Variants in TEX15 observed in about 807,000 individuals in gnomAD.
The protein encoded by TEX15 is testis-expressed protein 15.
TEX15 carries 171 observed loss-of-function variants against 237.3 expected under a neutral mutation model. The observed-to-expected ratio is 0.72, with a 90% CI of 0.64 to 0.82. The LOEUF (loss-of-function observed/expected upper bound fraction) is 0.82, where lower values mean the gene tolerates loss of function less well. TEX15 is among the 40% of genes least tolerant of loss of function. The pLI is 0.00. For synonymous variants in TEX15, 1,338 were observed against 1,269.8 expected (o/e 1.05, Z -1.14); for missense variants, 3,750 against 3,646.5 (o/e 1.03, Z -0.73).
Position 30,843,884 on chromosome 8 carries a change from C to T in TEX15, c.6283G>A (p.Gly2095Ser), listed in dbSNP as rs1322481856. ...FIENKKRHLE[G>S]EPTLRSLLWY... ...AGCAAGCTTCGCAATGTTGGTTCAC[C>T]TTCTAAGTGCCTTTTTTTGTTTTCA... The change falls in exon 8 of 11, where the codon GGT becomes AGT. Residue 2095 changes from glycine to serine, a missense_variant. Gly to Ser is a moderately conservative substitution (Grantham distance 56, BLOSUM62 0). Coordinates refer to ENST00000643185, the MANE Select transcript of TEX15 (RefSeq NM_001350162.2). 6.2e-7 allele frequency: 1 copy of T among 1,612,718 alleles called. No homozygotes were observed.
intron 3 of TEX15, among the ~76,000 whole-genome samples, chr8:30,881,022 C>T (rs1808508164): frequency 6.6e-6 from 1 of 152,108 alleles, no homozygotes. Context: ...TGAATACCTG[C>T]TAATTCCTCT....
At chr8:30,851,118 T>C (rs898380537) in intron 7 of TEX15, among the ~76,000 whole-genome samples, 3 of 151,892 alleles carry the variant, frequency 2.0e-5, no homozygotes, top group African/African-American at 7.3e-5. Flanking sequence ...TTCTTACTCA[T>C]TTACTACTCT....
In TEX15 at chr8:30,843,620, A is replaced by T; in HGVS notation, c.6547T>A (p.Cys2183Ser). Reference protein sequence around the residue: ...VNECEAIMEHCSDCFDFSLSV... With the variant: ...VNECEAIMEHSSDCFDFSLSV... The stretch of plus-strand genomic sequence containing the variant: ...AGAGAAAAATCAAAGCAATCGGAAC[A>T]ATGCTCCATTATGGCTTCACATTCA... Residue 2183 changes from cysteine to serine, a missense_variant, in exon 8 of 11, where the codon TGT becomes AGT. Transcript: ENST00000643185. 6.2e-7 allele frequency: 1 copy of T among 1,613,010 alleles called. No individual in the cohort carries two copies.
chr8:30,851,596 C>T (rs1365739803), intron 7 of TEX15, among the ~76,000 whole-genome samples: 2 of 151,772 alleles, frequency 1.3e-5, no homozygotes, highest in African/African-American at 2.4e-5. Flanking sequence ...CACACCACTA[C>T]ACTCCAGCCT....
intron 1 of TEX15, among the ~76,000 whole-genome samples, chr8:30,911,688 C>T (rs1040649939): frequency 2.0e-5 from 3 of 152,130 alleles, no homozygotes; most frequent in African/African-American, 7.2e-5. Context: ...TCAAAGTCTC[C>T]GAGTTGCCAG....
chr8:30,859,914 T>C lies in TEX15; in HGVS notation c.684A>G (p.Ser228=), dbSNP rs1200765910. ...ATCAAATGAACCATTAACATACTGCTGAACTGTAGGCTTGCAGTTCAATGG... is the reference window on the plus strand; with the variant it reads ...ATCAAATGAACCATTAACATACTGCCGAACTGTAGGCTTGCAGTTCAATGG... ...KDTIELQAYS[S]AVYFYEYSVL... is the part of the protein sequence containing the mutation. The change falls in exon 6 of 11, where the codon TCA becomes TCG. Residue 228 remains serine, a synonymous_variant. Coordinates refer to ENST00000643185, the MANE Select transcript of TEX15 (RefSeq NM_001350162.2). 1.4e-6 allele frequency: 2 copies of C among 1,479,958 alleles called. No homozygotes were observed. The highest frequency in any genetic ancestry group is 2.5e-5 in the East Asian group (1 of 39,594). 91.7% of individuals were successfully genotyped at this position (1,479,958 alleles called of 1,614,324 possible).
At position 30,847,161 on chromosome 8, in the gene TEX15, G is replaced by A; in HGVS notation, c.3006C>T (p.His1002=). The change falls in exon 8 of 11, where the codon CAC becomes CAT. Residue 1002 remains histidine, a synonymous_variant. Coordinates refer to ENST00000643185, the MANE Select transcript of TEX15 (RefSeq NM_001350162.2). ...MPALSLNNDD[H]QIYQFKETCS... is the part of the protein sequence containing the mutation. ...AAGTTTCTTTAAACTGGTATATCTG[G>A]TGATCGTCATTATTTAGGCTTAATG... The A allele has an allele frequency of 6.2e-7, 1 of 1,613,824 alleles. No homozygotes were observed. The highest frequency in any genetic ancestry group is 1.7e-4 in the Middle Eastern group (1 of 6,060).
chr8:30,854,275 AAGG>A lies in TEX15; in HGVS notation c.850+4390_850+4392del, dbSNP rs1469819820. Among the ~76,000 whole-genome samples, 10 of 151,466 alleles carry A rather than the reference AAGG, an allele frequency of 6.6e-5. No homozygotes were observed. In the East Asian group the frequency reaches 7.7e-4, roughly 12 times the overall value. On this transcript the variant is annotated intron_variant, in intron 7 of 10. Transcript: ENST00000643185. ...CTGACTGACCAAAAAAAAAAAAAAA[AAGG>A]AGAAGACTCAAACTAGTAGACTCAG...
intron 2 of TEX15, among the ~76,000 whole-genome samples, chr8:30,894,731 ATAAGAGT>A (rs1808860954): frequency 6.6e-6 from 1 of 152,242 alleles, no homozygotes; most frequent in South Asian, 2.1e-4. Flanking sequence ...AAGATTAAAG[ATAAGAGT>A]TAAAACTATC....
In TEX15 at chr8:30,848,091, T is replaced by G; in HGVS notation, c.2076A>C (p.Lys692Asn). ...TATCCTTTATGGTAGATGTAGAAGA[T>G]TTTGTTATTTCTAACTCTTGAGTAA... is the stretch of plus-strand genomic sequence containing the variant. The part of the protein sequence containing the change: ...ILITQELEIT[K>N]SSTSTIKDKD... Residue 692 changes from lysine to asparagine, a missense_variant, in exon 8 of 11, where the codon AAA (lysine) becomes AAC (asparagine). By Grantham distance (94) the Lys-to-Asn change is moderately conservative (BLOSUM62 0). Coordinates refer to ENST00000643185, the MANE Select transcript of TEX15 (RefSeq NM_001350162.2). The G allele has an allele frequency of 6.2e-7, 1 of 1,610,870 alleles. No homozygotes were observed. The highest frequency in any genetic ancestry group is 8.5e-7 in the Non-Finnish European group (1 of 1,178,374).
Position 30,846,561 on chromosome 8 carries a change from T to C in TEX15, c.3606A>G (p.Gly1202=). The change falls in exon 8 of 11, where the codon GGA becomes GGG. Residue 1202 remains glycine, a synonymous_variant. Coordinates refer to ENST00000643185, the MANE Select transcript of TEX15 (RefSeq NM_001350162.2). ...EINKEDGEIL[G]FDIYSQPFGE... The stretch of plus-strand genomic sequence containing the variant: ...CAAAAGGCTGGGAATAAATGTCAAA[T>C]CCTAGAATTTCTCCATCTTCCTTAT... The C allele has an allele frequency of 6.2e-7, 1 of 1,613,794 alleles. No individual in the cohort carries two copies. The highest frequency in any genetic ancestry group is 1.1e-5 in the South Asian group (1 of 91,054).
Position 30,858,690 on chromosome 8 carries a change from TGAGAG to T in TEX15, c.823_827del (p.Leu275AsnfsTer5), listed in dbSNP as rs1406384574. 9 of 1,535,118 alleles carry T rather than the reference TGAGAG, an allele frequency of 5.9e-6. No individual in the cohort carries two copies. In the South Asian group the frequency reaches 1.1e-4, roughly 18 times the overall value. ...TACCAGCTCTCTTAGGAAATCCTGT[TGAGAG>T]GAATCTCAAAGATGTCATAAGGCGT... On this transcript the variant is annotated frameshift_variant, in exon 7 of 11. Transcript: ENST00000643185. LOFTEE classifies it high-confidence loss of function.
chr8:30,867,439 T>G lies in TEX15; in HGVS notation c.366A>C (p.Ala122=). 6.5e-7 allele frequency: 1 copy of G among 1,534,870 alleles called. No individual in the cohort carries two copies. Among genetic ancestry groups the G allele is most frequent in the Non-Finnish European group, 8.7e-7 (1 of 1,146,076 alleles). ...TCTGGGCTACATCACTCTGGGGAAG[T>G]GCTAAAAAGCAGAACTGTTCTTCAA... ...RELEEQFCFL[A]LPQSDVAQIY... The change falls in exon 5 of 11, where the codon GCA becomes GCC. Residue 122 remains alanine, a synonymous_variant. Transcript: ENST00000643185.
At chr8:30,840,201 CT>C (rs879941762) in intron 8 of TEX15, among the ~76,000 whole-genome samples, 176 of 144,948 alleles carry the variant, frequency 1.2e-3, no homozygotes, top group Admixed American at 1.2e-3. Flanking sequence ...ATCCTCACAT[CT>C]TTTTTTTTTT....
intron 2 of TEX15, among the ~76,000 whole-genome samples, chr8:30,888,270 C>T (rs147070910): frequency 6.1e-4 from 93 of 152,056 alleles, no homozygotes; most frequent in Non-Finnish European, 8.5e-4. Flanking sequence ...GTGACTAAAA[C>T]GATACTCTCT....
Position 30,848,120 on chromosome 8 carries a change from A to G in TEX15, c.2047T>C (p.Leu683=). The change falls in exon 8 of 11, where the codon TTA becomes CTA. Residue 683 remains leucine, a synonymous_variant. Transcript: ENST00000643185. The part of the protein sequence containing the change: ...NSFGKSCDKI[L]ITQELEITKS... The stretch of plus-strand genomic sequence containing the variant: ...GTTATTTCTAACTCTTGAGTAATTA[A>G]TATTTTATCACAGCTTTTCCCAAAA... 1.9e-6 allele frequency: 3 copies of G among 1,609,450 alleles called. No individual in the cohort carries two copies. Among genetic ancestry groups the G allele is most frequent in the Non-Finnish European group, 1.7e-6 (2 of 1,177,910 alleles).
chr8:30,874,682 T>C (rs1808364675), intron 4 of TEX15, among the ~76,000 whole-genome samples: 1 of 152,150 alleles, frequency 6.6e-6, no homozygotes, highest in Admixed American at 6.5e-5. Context: ...TGCTGATGCA[T>C]GTTTCTGAAA....
At position 30,846,441 on chromosome 8, in the gene TEX15, G is replaced by A. The variant is rs759886599; in HGVS notation, c.3726C>T (p.Asp1242=). ...GATTCACATCTGTATTACGACTCAA[G>A]TCAAAAGAAAGGGAGATTTCAGAGT... The part of the protein sequence containing the change: ...VSNSEISLSF[D]LSRNTDVNHT... The change falls in exon 8 of 11, where the codon GAC becomes GAT. Residue 1242 remains aspartate (D), a synonymous_variant. Transcript: ENST00000643185. 5 of 1,613,268 alleles carry A rather than the reference G, an allele frequency of 3.1e-6. No individual in the cohort carries two copies. The highest frequency in any genetic ancestry group is 1.1e-5 in the South Asian group (1 of 91,056).
intron 1 of TEX15, among the ~76,000 whole-genome samples, chr8:30,904,446 C>CAAAAAA: frequency 9.8e-6 from 1 of 102,034 alleles, no homozygotes; most frequent in Non-Finnish European, 2.1e-5. Context: ...GACTCCGTCT[C>CAAAAAA]AAAAAAAAAA....
Sources: gnomAD v4.1 joint callset for allele counts (sites outside exome capture counted in the v4.1 genomes callset) on GRCh38, gnomAD v4.1.1 for gene constraint, MANE v1.5 for transcripts, NCBI Gene and HGNC (gene_info 2026-07-23, HGNC 2026-07-21) for gene names.